The following ATP9A variants were observed in gnomAD, a reference collection of about 807,000 sequenced individuals.
ATP9A encodes ATPase phospholipid transporting 9A, also known as probable phospholipid-transporting ATPase IIA.
ATP9A carries 52 observed loss-of-function variants against 144.1 expected under a neutral mutation model. That is an observed-to-expected ratio of 0.36 (90% CI 0.29 to 0.45). The LOEUF is 0.45. Ranked by LOEUF, ATP9A falls within the 20% of genes least tolerant of loss-of-function variation. The pLI, the probability that ATP9A is intolerant of heterozygous loss-of-function variation, is 1.00. For missense variants in ATP9A, 947 were observed against 1,392.7 expected, an observed-to-expected ratio of 0.68 and a Z score of 5.09; for synonymous variants, 582 against 557.4, an observed-to-expected ratio of 1.04 and a Z score of -0.62.
intron 26 of ATP9A, among the ~76,000 whole-genome samples, chr20:51,606,986 A>G (rs1390679182): frequency 1.3e-5 from 2 of 150,772 alleles, no homozygotes; most frequent in South Asian, 4.1e-4. Flanking sequence ...ATACTAAAAA[A>G]GGATTCTGGG....
chr20:51,682,401 G>A lies in ATP9A; in HGVS notation c.800-6193C>T, dbSNP rs553871470. 5.9e-5 allele frequency among the ~76,000 whole-genome samples: 9 copies of A among 151,990 alleles called. No homozygotes were observed. The South Asian group carries it at 1.2e-3, about 21-fold the overall frequency. ...TCACGTGGCTGTCTAGTAAGGAGAT[G>A]AGCACATGACAGGTAGTCATGAACT... On this transcript the variant is annotated intron_variant, in intron 9 of 27. Coordinates refer to ENST00000338821, the MANE Select transcript of ATP9A (RefSeq NM_006045.3).
At chr20:51,613,525 T>C (rs1392992765) in intron 23 of ATP9A, 152 bp downstream of exon 23, 4 of 844,980 alleles carry the variant, frequency 4.7e-6, no homozygotes, top group African/African-American at 3.5e-5. Context: ...ACTGGCGAGG[T>C]AGGGGTGACA....
At chr20:51,631,368 G>C (rs1196600991) in intron 15 of ATP9A, among the ~76,000 whole-genome samples, 1 of 152,112 alleles carries the variant, frequency 6.6e-6, no homozygotes, top group African/African-American at 2.4e-5. Flanking sequence ...GAGAGCTGTG[G>C]GGTCTGCACA....
intron 2 of ATP9A, among the ~76,000 whole-genome samples, chr20:51,726,889 CTTTTTTTTT>C (rs55719132): frequency 0.026 from 2,452 of 94,002 alleles, 66 homozygotes; most frequent in African/African-American, 0.082. Flanking sequence ...TGTGTTATTT[CTTTTTTTTT>C]TTTTTTTTTT....
In ATP9A at chr20:51,666,552, G is replaced by A. The variant is rs1307193948; in HGVS notation, c.1293+3445C>T. Among the ~76,000 whole-genome samples the A allele has an allele frequency of 1.3e-5, 2 of 152,072 alleles. 1 individual carries two copies. The highest frequency in any genetic ancestry group is 4.2e-4 in the South Asian group (2 of 4,804). Reference sequence around the variant, plus strand: ...AAAAATTAGCCGGGCGTGGTGGCAGGTGCCTGTAATCCCAGCTACTAGGAA... The same window carrying A: ...AAAAATTAGCCGGGCGTGGTGGCAGATGCCTGTAATCCCAGCTACTAGGAA... On this transcript the variant is annotated intron_variant, in intron 13 of 27. Transcript: ENST00000338821.
At chr20:51,619,869 CAA>C (rs564118011) in intron 19 of ATP9A, among the ~76,000 whole-genome samples, 10 of 83,872 alleles carry the variant, frequency 1.2e-4, no homozygotes, top group Admixed American at 2.8e-4. Flanking sequence ...AACTCTGTCT[CAA>C]AAAAAAAAAA....
In ATP9A at chr20:51,627,648, G is replaced by C; in HGVS notation, c.1797C>G (p.Leu599=). The change falls in exon 17 of 28, where the codon CTC becomes CTG. Residue 599 remains leucine, a synonymous_variant. Coordinates refer to ENST00000338821, the MANE Select transcript of ATP9A (RefSeq NM_006045.3). ...GNMAREGLRV[L]VVAKKSLAEE... Reference sequence around the variant, plus strand: ...CTGCAAGAGACTTCTTTGCCACCACGAGCACCCGCAGCCCTTCTCGGGCCA... The same window carrying C: ...CTGCAAGAGACTTCTTTGCCACCACCAGCACCCGCAGCCCTTCTCGGGCCA... 1.2e-6 allele frequency: 2 copies of C among 1,614,150 alleles called. No homozygotes were observed. Among genetic ancestry groups the C allele is most frequent in the Middle Eastern group, 3.3e-4 (2 of 6,062 alleles).
At position 51,690,736 on chromosome 20, in the gene ATP9A, T is replaced by G; in HGVS notation, c.723+3A>C. ...GGATCCCATGTGAAGGAAGCTCACT[T>G]ACTCGGGTAAAAGTTCCCACGAAGT... On this transcript the variant is annotated splice_donor_region_variant and intron_variant, in intron 8 of 27. Transcript: ENST00000338821. 1 of 1,612,378 alleles carries G rather than the reference T, an allele frequency of 6.2e-7. No homozygotes were observed. The highest frequency in any genetic ancestry group is 8.5e-7 in the Non-Finnish European group (1 of 1,178,392).
chr20:51,713,030 C>A lies in ATP9A; in HGVS notation c.372G>T (p.Glu124Asp), dbSNP rs2077646703. Residue 124 changes from glutamate to aspartate, a missense_variant, in exon 4 of 28, where the codon GAG becomes GAT. Glu to Asp is a conservative substitution (Grantham distance 45). This residue lies in a region of ATP9A where 770 missense variants were observed against 1,047.9 expected (regional missense o/e 0.73). Coordinates refer to ENST00000338821, the MANE Select transcript of ATP9A (RefSeq NM_006045.3). Reference sequence around the variant, plus strand: ...CCTTGTCCCGCACGTAGCATCGGATCTCCTCCACCGCCTCACGGATGACAG... The same window carrying A: ...CCTTGTCCCGCACGTAGCATCGGATATCCTCCACCGCCTCACGGATGACAG... ...AVTVIREAVE[E>D]IRCYVRDKEV... 3.7e-6 allele frequency: 6 copies of A among 1,613,160 alleles called. No homozygotes were observed. The highest frequency in any genetic ancestry group is 5.1e-6 in the Non-Finnish European group (6 of 1,179,722).
Position 51,600,915 on chromosome 20 carries a change from G to A in ATP9A, c.*296C>T, listed in dbSNP as rs2077140065. On this transcript the variant is annotated 3_prime_UTR_variant, in exon 28 of 28. Coordinates refer to ENST00000338821, the MANE Select transcript of ATP9A (RefSeq NM_006045.3). ...ACAACAAAATTCAAGTCATAAGGAA[G>A]CTCGCACAGTGACCCATATAAATCT... 1 of 251,628 alleles carries A rather than the reference G, an allele frequency of 4.0e-6. No individual in the cohort carries two copies. The allele number at this position is 251,628 out of a possible 1,614,324, so 15.6% of individuals were successfully genotyped here.
At chr20:51,754,110 C>A (rs2077845580) in intron 1 of ATP9A, among the ~76,000 whole-genome samples, 5 of 150,830 alleles carry the variant, frequency 3.3e-5, no homozygotes, top group Admixed American at 2.7e-4. Flanking sequence ...GAGCCTGGAG[C>A]CCCACAGGAG....
At chr20:51,724,306 G>A (rs1040583074) in intron 3 of ATP9A, among the ~76,000 whole-genome samples, 6 of 152,156 alleles carry the variant, frequency 3.9e-5, no homozygotes, top group African/African-American at 9.7e-5. Flanking sequence ...GGAGAAAAAA[G>A]GGTATCTATT....
chr20:51,606,222 A>C (rs1308775256), intron 26 of ATP9A, among the ~76,000 whole-genome samples: 1 of 152,222 alleles, frequency 6.6e-6, no homozygotes, highest in Non-Finnish European at 1.5e-5. Flanking sequence ...GCGCCACTGC[A>C]CTCCAGCCTG....
At chr20:51,756,277 C>CT (rs111230195) in intron 1 of ATP9A, among the ~76,000 whole-genome samples, 135 of 101,470 alleles carry the variant, frequency 1.3e-3, no homozygotes, top group Middle Eastern at 5.4e-3. Flanking sequence ...GTGTCTCTGT[C>CT]TTTTTTTTTT....
intron 3 of ATP9A, among the ~76,000 whole-genome samples, chr20:51,714,721 C>T (rs1251834613): frequency 6.6e-6 from 1 of 152,072 alleles, no homozygotes; most frequent in Non-Finnish European, 1.5e-5. Context: ...TGAGCTCACG[C>T]AATTCACCCA....
chr20:51,664,909 T>C (rs1290033632), intron 13 of ATP9A, among the ~76,000 whole-genome samples: 1 of 151,496 alleles, frequency 6.6e-6, no homozygotes, highest in African/African-American at 2.4e-5. Flanking sequence ...TTTTTGTATT[T>C]TTAGTAGAGA....
At chr20:51,661,253 G>A (rs753465176) in intron 13 of ATP9A, among the ~76,000 whole-genome samples, 6 of 152,248 alleles carry the variant, frequency 3.9e-5, no homozygotes, top group Non-Finnish European at 5.9e-5. Flanking sequence ...AAAATTAAAC[G>A]TTGAGTCACC....
In ATP9A at chr20:51,664,603, T is replaced by G. The variant is rs542347065; in HGVS notation, c.1293+5394A>C. ...AGACTCTGTCTCAAAAAAATAAAAA[T>G]AAAAATAAATAAGAAAACAAAATGA... On this transcript the variant is annotated intron_variant, in intron 13 of 27. Coordinates refer to ENST00000338821, the MANE Select transcript of ATP9A (RefSeq NM_006045.3). Among the ~76,000 whole-genome samples, 41 of 151,888 alleles carry G rather than the reference T, an allele frequency of 2.7e-4. 1 individual carries two copies. The South Asian group carries it at 8.5e-3, about 32-fold the overall frequency.
At chr20:51,633,383 G>A (rs192105689) in intron 15 of ATP9A, among the ~76,000 whole-genome samples, 86 of 152,234 alleles carry the variant, frequency 5.6e-4, no homozygotes, top group African/African-American at 1.9e-3. Flanking sequence ...ATTTACACTC[G>A]GATATGCTTA....
Sources: allele counts gnomAD v4.1 joint callset (sites outside exome capture counted in the v4.1 genomes callset), GRCh38; gene constraint gnomAD v4.1.1; regional missense constraint gnomAD v4.1.1; transcripts MANE v1.5; gene names NCBI Gene and HGNC (gene_info 2026-07-23, HGNC 2026-07-21).